SULF2: variants seen among roughly 807,000 people sequenced by gnomAD.
SULF2 encodes the protein sulfatase 2, also known as extracellular sulfatase Sulf-2.
In SULF2, 52 loss-of-function variants were observed where a neutral mutation model predicts 107.7. That is an observed-to-expected ratio of 0.48 (90% CI 0.39 to 0.61). SULF2 has a LOEUF of 0.61. Ranked by LOEUF, SULF2 falls within the 20% of genes least tolerant of loss-of-function variation. The probability of loss-of-function intolerance (pLI) is 0.00; values close to 1 mark genes in which losing one functional copy is unlikely to be tolerated. For missense variants in SULF2, 993 were observed against 1,177.3 expected (o/e 0.84, Z 2.29); for synonymous variants, 460 against 464.3 (o/e 0.99, Z 0.12).
intron 18 of SULF2, 81 bp downstream of exon 18, chr20:47,661,692 C>A: frequency 7.4e-7 from 1 of 1,352,488 alleles, no homozygotes; most frequent in South Asian, 2.1e-5. Flanking sequence ...CAGGCTCATT[C>A]TTGGGGTAGA....
In SULF2 at chr20:47,678,104, T is replaced by C. The variant is rs6512464; in HGVS notation, c.1193+572A>G. The C allele has an allele frequency of 0.29, 44,589 of 152,336 alleles. 6,763 individuals carry two copies. Among genetic ancestry groups the C allele is most frequent in the Middle Eastern group, 0.38 (112 of 294 alleles). The allele number at this position is 152,336 out of a possible 1,614,324, so 9.4% of individuals were successfully genotyped here. On this transcript the variant is annotated intron_variant, in intron 8 of 20. Coordinates refer to ENST00000688720, the MANE Select transcript of SULF2 (RefSeq NM_001387048.1). This position sits in a 1 kb window ranked among gnomAD's most constrained non-coding sequence, Gnocchi z 4.5. ...CTGTCTGACTTGCTCACCCTCACGG[T>C]TCCTATTCTGCCTCTCTGGACACCT... is the stretch of plus-strand genomic sequence containing the variant.
chr20:47,676,878 T>G (rs780486782), intron 9 of SULF2, among the ~76,000 whole-genome samples, 200 bp downstream of exon 9: 2 of 152,258 alleles, frequency 1.3e-5, no homozygotes, highest in Non-Finnish European at 2.9e-5. Flanking sequence ...GGACAAAGCA[T>G]GCCAAAAGCG....
Position 47,684,593 on chromosome 20 carries a change from G to A in SULF2, c.738-12C>T. The A allele has an allele frequency of 6.2e-7, 1 of 1,612,224 alleles. No individual in the cohort carries two copies. The highest frequency in any genetic ancestry group is 1.3e-5 in the African/African-American group (1 of 74,988). On this transcript the variant is annotated splice_polypyrimidine_tract_variant and intron_variant, in intron 5 of 20. Transcript: ENST00000688720. ...TGTAGCTCGGCGTGCTGGTGGGCAA[G>A]GACATACACATCGGTCAAACCCAGG...
At chr20:47,663,406 G>C (rs763444937) in intron 16 of SULF2, 47 bp downstream of exon 16, 1 of 1,600,038 alleles carries the variant, frequency 6.2e-7, no homozygotes, top group Admixed American at 1.7e-5. Context: ...GAAGTTTCTT[G>C]AACCCCTGGG....
At chr20:47,684,827 T>C (rs1345913053) in intron 5 of SULF2, 5 of 391,840 alleles carry the variant, frequency 1.3e-5, no homozygotes, top group African/African-American at 6.3e-5. Flanking sequence ...TTCAGTGACC[T>C]TGAGTGACAA....
chr20:47,673,876 G>A (rs1007410380), intron 10 of SULF2, among the ~76,000 whole-genome samples: 1 of 152,232 alleles, frequency 6.6e-6, no homozygotes, highest in Non-Finnish European at 1.5e-5. Context: ...TCTGAGTTCT[G>A]CGTGAAGCCC....
At chr20:47,661,240 C>A (rs1325690768) in intron 18 of SULF2, among the ~76,000 whole-genome samples, 1 of 152,118 alleles carries the variant, frequency 6.6e-6, no homozygotes, top group African/African-American at 2.4e-5. Flanking sequence ...GAGCGCCAGC[C>A]CTCCACGTTT....
intron 3 of SULF2, among the ~76,000 whole-genome samples, chr20:47,723,612 G>A (rs2089356512): frequency 6.6e-6 from 1 of 152,172 alleles, no homozygotes. Context: ...CCTCCTATCA[G>A]ATCAGCAGCA....
At chr20:47,668,412 TC>T (rs2087348424) in intron 11 of SULF2, among the ~76,000 whole-genome samples, 1 of 152,206 alleles carries the variant, frequency 6.6e-6, no homozygotes, top group Non-Finnish European at 1.5e-5. Flanking sequence ...GTGAATCCTT[TC>T]CTGGACTGAA....
intron 17 of SULF2, among the ~76,000 whole-genome samples, chr20:47,662,788 TC>T (rs2087120219): frequency 7.5e-6 from 1 of 132,566 alleles, no homozygotes; most frequent in Non-Finnish European, 1.8e-5. Context: ...CTTCACAAGT[TC>T]CGGCAAAACC....
At chr20:47,672,497 G>A in intron 10 of SULF2, 104 bp from the exon 11 acceptor site, 4 of 1,443,448 alleles carry the variant, frequency 2.8e-6, no homozygotes, top group Non-Finnish European at 3.6e-6. Context: ...CTCCCTGCTT[G>A]CATCCAGCTG....
At chr20:47,674,567 C>G (rs2087578833) in intron 10 of SULF2, among the ~76,000 whole-genome samples, 1 of 152,220 alleles carries the variant, frequency 6.6e-6, no homozygotes, top group African/African-American at 2.4e-5. Context: ...TGGGCTTTGG[C>G]AATGATGACA....
chr20:47,696,537 TTATC>T (rs1276475742), intron 4 of SULF2, among the ~76,000 whole-genome samples: 3 of 152,202 alleles, frequency 2.0e-5, no homozygotes, highest in Admixed American at 2.0e-4. Context: ...ACATATTCAT[TTATC>T]TATCTGACAA....
chr20:47,761,511 A>G (rs2090418755), intron 1 of SULF2, among the ~76,000 whole-genome samples: 2 of 152,388 alleles, frequency 1.3e-5, no homozygotes, highest in South Asian at 2.1e-4. Flanking sequence ...TGGAAAGTGG[A>G]CATCGCTTCC....
intron 1 of SULF2, among the ~76,000 whole-genome samples, chr20:47,767,461 A>G (rs1424379100): frequency 6.6e-6 from 1 of 152,110 alleles, no homozygotes; most frequent in Non-Finnish European, 1.5e-5. Flanking sequence ...CTTAGCCAAC[A>G]TGGTGAAACC....
At chr20:47,691,221 A>G (rs1210569457) in intron 4 of SULF2, among the ~76,000 whole-genome samples, 1 of 152,236 alleles carries the variant, frequency 6.6e-6, no homozygotes, top group East Asian at 1.9e-4. Flanking sequence ...TGTATAAATA[A>G]AGAACCAAGG....
intron 2 of SULF2, among the ~76,000 whole-genome samples, chr20:47,750,455 A>G (rs2090136208): frequency 6.6e-6 from 1 of 151,674 alleles, no homozygotes; most frequent in Admixed American, 6.6e-5. Context: ...TACTTTCCTC[A>G]CTCTGGTCTG....
chr20:47,725,207 A>C (rs576258150), intron 3 of SULF2, among the ~76,000 whole-genome samples: 1 of 152,338 alleles, frequency 6.6e-6, no homozygotes, highest in South Asian at 2.1e-4. Context: ...TTCAGAAATA[A>C]GGAATGACTC....
At chr20:47,760,888 C>G (rs907914100) in intron 1 of SULF2, among the ~76,000 whole-genome samples, 2 of 152,212 alleles carry the variant, frequency 1.3e-5, no homozygotes, top group African/African-American at 4.8e-5. Context: ...AGAGCCACTG[C>G]GGCAACTGCC....
Sources: allele counts gnomAD v4.1 joint callset (sites outside exome capture counted in the v4.1 genomes callset), GRCh38; gene constraint gnomAD v4.1.1; non-coding constraint Gnocchi (gnomAD v3.1); transcripts MANE v1.5; gene names NCBI Gene and HGNC (gene_info 2026-07-23, HGNC 2026-07-21).